The following SMARCA2 variants were observed in gnomAD, a reference collection of about 807,000 sequenced individuals.
SMARCA2 encodes SWI/SNF-related matrix-associated actin-dependent regulator of chromatin subfamily A member 2.
SMARCA2 carries 61 observed loss-of-function variants against 199.8 expected under a neutral mutation model. That is an observed-to-expected ratio of 0.31 (90% CI 0.25 to 0.38). The LOEUF is 0.38. SMARCA2 is among the 10% of genes least tolerant of loss of function. The pLI, the probability that SMARCA2 is intolerant of heterozygous loss-of-function variation, is 1.00. For synonymous variants in SMARCA2, 935 were observed against 732.0 expected (o/e 1.28, Z -4.48); for missense variants, 1,344 against 2,012.2 (o/e 0.67, Z 6.35).
intron 27 of SMARCA2, among the ~76,000 whole-genome samples, chr9:2,141,490 G>C (rs1824456977): frequency 6.6e-6 from 1 of 152,004 alleles, no homozygotes; most frequent in Admixed American, 6.6e-5. Context: ...GGCACCAATG[G>C]CATCCTATAA....
At position 2,192,909 on chromosome 9, in the gene SMARCA2, A is replaced by T; in HGVS notation, c.*170A>T. ...AACATATGATATCATGGTGTAAAAA[A>T]CACACACATACACAAATATTTGTAA... On this transcript the variant is annotated 3_prime_UTR_variant, in exon 34 of 34. Transcript: ENST00000349721. 1 of 574,594 alleles carries T rather than the reference A, an allele frequency of 1.7e-6. No individual in the cohort carries two copies. Among genetic ancestry groups the T allele is most frequent in the Non-Finnish European group, 3.1e-6 (1 of 321,698 alleles). 35.6% of individuals were successfully genotyped at this position (574,594 alleles called of 1,614,324 possible).
At chr9:2,183,877 G>A (rs1827234842) in intron 31 of SMARCA2, among the ~76,000 whole-genome samples, 1 of 152,154 alleles carries the variant, frequency 6.6e-6, no homozygotes, top group Non-Finnish European at 1.5e-5. Flanking sequence ...GATTCTTTAT[G>A]TCAATATGGC....
rs978191339 is a variant in SMARCA2 at position 2,109,056 on chromosome 9, T to G, written c.3293-1198T>G. Among the ~76,000 whole-genome samples, 4 of 152,234 alleles carry G rather than the reference T, an allele frequency of 2.6e-5. No individual in the cohort carries two copies. The East Asian group carries it at 7.7e-4, about 29-fold the overall frequency. ...GAGGGCATTTGTTATTTTTATTAAA[T>G]GTGAAAAACAGATCGTCCCCATGTT... is the stretch of plus-strand genomic sequence containing the variant. On this transcript the variant is annotated intron_variant, in intron 23 of 33. Transcript: ENST00000349721.
intron 31 of SMARCA2, among the ~76,000 whole-genome samples, chr9:2,184,952 C>T (rs1181157503): frequency 5.3e-5 from 8 of 152,050 alleles, no homozygotes; most frequent in Admixed American, 3.3e-4. Context: ...CTTTTTTGAA[C>T]GAGTAGGTCT....
intron 5 of SMARCA2, among the ~76,000 whole-genome samples, chr9:2,054,082 C>G (rs940249192): frequency 1.4e-4 from 21 of 152,200 alleles, no homozygotes; most frequent in African/African-American, 4.3e-4. Context: ...TGGCTGATTT[C>G]TGTGGCATCA....
chr9:2,168,936 G>C (rs1284056028), intron 28 of SMARCA2, among the ~76,000 whole-genome samples: 1 of 152,146 alleles, frequency 6.6e-6, no homozygotes. Flanking sequence ...AATCTACTCT[G>C]TAAAGCGTTC....
At chr9:2,157,904 TGA>T in intron 27 of SMARCA2, 1 of 398,422 alleles carries the variant, frequency 2.5e-6, no homozygotes, top group South Asian at 1.3e-4. Context: ...TGTGTCAGGA[TGA>T]GAGGGCCACG....
chr9:2,032,040 C>A (rs1008384429), intron 2 of SMARCA2, among the ~76,000 whole-genome samples: 1 of 152,164 alleles, frequency 6.6e-6, no homozygotes, highest in Non-Finnish European at 1.5e-5. Context: ...CTTTATGATA[C>A]ATTTTTTCCT....
chr9:2,050,721 A>G (rs1204776290), intron 5 of SMARCA2, among the ~76,000 whole-genome samples: 1 of 152,112 alleles, frequency 6.6e-6, no homozygotes, highest in African/African-American at 2.4e-5. Flanking sequence ...AGAGTTACAA[A>G]AAGTCACACA....
At chr9:2,149,585 A>G (rs1048497730) in intron 27 of SMARCA2, among the ~76,000 whole-genome samples, 2 of 151,498 alleles carry the variant, frequency 1.3e-5, no homozygotes, top group South Asian at 2.1e-4. Context: ...ATTCACTACC[A>G]TGAGAACAGT....
intron 31 of SMARCA2, among the ~76,000 whole-genome samples, chr9:2,182,698 T>A: frequency 6.6e-6 from 1 of 152,092 alleles, no homozygotes; most frequent in South Asian, 2.1e-4. Flanking sequence ...TTTCACCATG[T>A]TGGCCAGGCT....
In SMARCA2 at chr9:2,026,439, G is replaced by A. The variant is rs147130943; in HGVS notation, c.-36-2548G>A. On this transcript the variant is annotated intron_variant, in intron 1 of 33. Transcript: ENST00000349721. The stretch of plus-strand genomic sequence containing the variant: ...AATAGTTTCCTTTAGCAAAAAAAAC[G>A]AGGAGCATTTTTATGGGACTATGTA... 5.5e-4 allele frequency among the ~76,000 whole-genome samples: 84 copies of A among 152,204 alleles called. 1 individual carries two copies. In the East Asian group the frequency reaches 0.014, roughly 26 times the overall value.
chr9:2,186,211 A>G lies in SMARCA2; in HGVS notation c.4577A>G (p.Glu1526Gly). The change falls in exon 32 of 34, where the codon GAA (glutamate) becomes GGA (glycine). Residue 1526 changes from glutamate to glycine, a missense_variant. Glu to Gly is a moderately conservative substitution (Grantham distance 98). Around this residue, in one of 18 missense-constraint regions of SMARCA2, gnomAD observed 155 missense variants for 121.1 expected, o/e 1.28. Coordinates refer to ENST00000349721, the MANE Select transcript of SMARCA2 (RefSeq NM_003070.5). ...GAAGAGGAGGAAGAGGAAGATGAAGAAGAGTCAGAGTCCGAGGGTAAGCCC... is the reference window on the plus strand; with the variant it reads ...GAAGAGGAGGAAGAGGAAGATGAAGGAGAGTCAGAGTCCGAGGGTAAGCCC... Reference protein sequence around the residue: ...SNEEEEEEDEEESESEAKSVK... With the variant: ...SNEEEEEEDEGESESEAKSVK... The G allele has an allele frequency of 6.2e-7, 1 of 1,614,076 alleles. No individual in the cohort carries two copies. Among genetic ancestry groups the G allele is most frequent in the Non-Finnish European group, 8.5e-7 (1 of 1,179,958 alleles).
At chr9:2,072,244 A>G (rs1297531315) in intron 10 of SMARCA2, among the ~76,000 whole-genome samples, 11 of 152,246 alleles carry the variant, frequency 7.2e-5, no homozygotes, top group Admixed American at 7.2e-4. Flanking sequence ...CTTTTCAGGA[A>G]ATAGATAACT....
intron 29 of SMARCA2, among the ~76,000 whole-genome samples, chr9:2,172,019 G>C (rs1826273126): frequency 6.6e-6 from 1 of 152,184 alleles, no homozygotes; most frequent in Non-Finnish European, 1.5e-5. Flanking sequence ...GTAATTTCCA[G>C]AGACATAGCA....
intron 24 of SMARCA2, among the ~76,000 whole-genome samples, chr9:2,112,453 T>G (rs1823046254): frequency 6.6e-6 from 1 of 152,066 alleles, no homozygotes; most frequent in Non-Finnish European, 1.5e-5. Flanking sequence ...GACATCTGTA[T>G]GATGTTCCAC....
chr9:2,158,011 C>G (rs933188106), intron 27 of SMARCA2: 11 of 395,636 alleles, frequency 2.8e-5, no homozygotes, highest in African/African-American at 2.1e-4. Flanking sequence ...ATGACTGTCT[C>G]CTGCATTTTG....
At chr9:2,072,653 T>G (rs1821142503) in intron 10 of SMARCA2, among the ~76,000 whole-genome samples, 1 of 152,208 alleles carries the variant, frequency 6.6e-6, no homozygotes, top group Non-Finnish European at 1.5e-5. Context: ...GAAGTATTAG[T>G]TGAGGAATGG....
At chr9:2,064,405 A>G (rs1820737197) in intron 9 of SMARCA2, among the ~76,000 whole-genome samples, 1 of 152,258 alleles carries the variant, frequency 6.6e-6, no homozygotes, top group South Asian at 2.1e-4. Context: ...GGGAAAGTTT[A>G]TCTAAAGCAT....
Sources: gnomAD v4.1 joint callset for allele counts (sites outside exome capture counted in the v4.1 genomes callset) on GRCh38, gnomAD v4.1.1 for gene constraint, gnomAD v4.1.1 regional missense constraint, MANE v1.5 for transcripts, NCBI Gene and HGNC (gene_info 2026-07-23, HGNC 2026-07-21) for gene names.